Variants in RBMS3 observed in about 807,000 individuals in gnomAD.
RBMS3 encodes RNA binding motif single stranded interacting protein 3.
In RBMS3, 27 loss-of-function variants were observed where a neutral mutation model predicts 66.8. The ratio of observed to expected loss-of-function variants is 0.40; its 90% CI spans 0.30 to 0.56. The LOEUF is 0.56. Ranked by LOEUF, RBMS3 falls within the 20% of genes least tolerant of loss-of-function variation. The pLI, the probability that RBMS3 is intolerant of heterozygous loss-of-function variation, is 0.40. For missense variants in RBMS3, 513 were observed against 549.5 expected, an observed-to-expected ratio of 0.93 and a Z score of 0.66; for synonymous variants, 188 against 183.0, an observed-to-expected ratio of 1.03 and a Z score of -0.22.
At chr3:29,594,536 T>G (rs1162546352) in intron 4 of RBMS3, among the ~76,000 whole-genome samples, 1 of 152,238 alleles carries the variant, frequency 6.6e-6, no homozygotes, top group Non-Finnish European at 1.5e-5. Flanking sequence ...AATGAATATT[T>G]GTATCATTTG....
chr3:29,830,328 T>C (rs4680856), intron 6 of RBMS3, among the ~76,000 whole-genome samples: 76,662 of 151,928 alleles, frequency 0.5, 19,770 homozygotes, highest in Non-Finnish European at 0.55. Context: ...TTAGTTTGTG[T>C]ATAGAAAAAC....
At chr3:29,755,236 A>C (rs534708629) in intron 5 of RBMS3, among the ~76,000 whole-genome samples, 2 of 152,294 alleles carry the variant, frequency 1.3e-5, no homozygotes, top group South Asian at 4.1e-4. Context: ...ATATACTTAG[A>C]TAATTATGCA....
At chr3:29,828,459 A>C (rs1243208114) in intron 6 of RBMS3, among the ~76,000 whole-genome samples, 1 of 152,228 alleles carries the variant, frequency 6.6e-6, no homozygotes, top group Non-Finnish European at 1.5e-5. Context: ...TAGAACATAA[A>C]AAACAATGCA....
intron 1 of RBMS3, among the ~76,000 whole-genome samples, chr3:29,343,026 A>T (rs2036365926): frequency 6.6e-6 from 1 of 152,176 alleles, no homozygotes; most frequent in Admixed American, 6.6e-5. Context: ...CTGGTTTCTT[A>T]TATAGTTGCT....
intron 4 of RBMS3, among the ~76,000 whole-genome samples, chr3:29,712,052 G>A (rs1419799181): frequency 1.3e-5 from 2 of 151,862 alleles, no homozygotes; most frequent in Non-Finnish European, 2.9e-5. Flanking sequence ...TTTTCCCCTC[G>A]AATAAAGCCT....
intron 1 of RBMS3, among the ~76,000 whole-genome samples, chr3:29,405,515 C>A (rs1159688830): frequency 1.3e-5 from 2 of 152,028 alleles, no homozygotes; most frequent in Non-Finnish European, 2.9e-5. Flanking sequence ...TAGTGGATAT[C>A]CTTGATTGTT....
chr3:30,008,427 C>T lies in RBMS3; in HGVS notation c.*4565C>T, dbSNP rs1247062908. On this transcript the variant is annotated 3_prime_UTR_variant, in exon 15 of 15. Transcript: ENST00000383767. ...CAATGTTTATGTACGTGTATAACAA[C>T]ATTCAGCACATTTGAGGAATCACAC... 1.3e-5 allele frequency: 2 copies of T among 152,016 alleles called. No individual in the cohort carries two copies. The highest frequency in any genetic ancestry group is 6.6e-5 in the Admixed American group (1 of 15,250). The allele number at this position is 152,016 out of a possible 1,614,324, so 9.4% of individuals were successfully genotyped here. A position where few individuals can be genotyped will look rare whatever the true frequency, so the allele number is the denominator to read the frequency against.
At chr3:29,546,949 A>G (rs910784485) in intron 3 of RBMS3, among the ~76,000 whole-genome samples, 8 of 152,128 alleles carry the variant, frequency 5.3e-5, no homozygotes, top group Admixed American at 2.0e-4. Flanking sequence ...TTTAGACCTC[A>G]ATATTTTATT....
chr3:29,792,508 A>G (rs2057047298), intron 6 of RBMS3, among the ~76,000 whole-genome samples: 1 of 152,190 alleles, frequency 6.6e-6, no homozygotes, highest in Admixed American at 6.5e-5. Context: ...TTAAAAAAAG[A>G]CATCATGAAC....
At chr3:29,531,952 T>C (rs1308857225) in intron 3 of RBMS3, among the ~76,000 whole-genome samples, 1 of 152,104 alleles carries the variant, frequency 6.6e-6, no homozygotes, top group Admixed American at 6.6e-5. Context: ...GGAGCCTGAC[T>C]GACTATTTTG....
chr3:29,783,720 G>A (rs1025432089), intron 6 of RBMS3, among the ~76,000 whole-genome samples: 8 of 152,082 alleles, frequency 5.3e-5, no homozygotes, highest in African/African-American at 1.9e-4. Flanking sequence ...AATGTAAGTG[G>A]CCTAAATGGT....
chr3:29,519,549 G>A (rs996721699), intron 3 of RBMS3, among the ~76,000 whole-genome samples: 2 of 152,108 alleles, frequency 1.3e-5, no homozygotes, highest in Non-Finnish European at 1.5e-5. Context: ...CTCAGATGAG[G>A]GTGTGGAACT....
In RBMS3 at chr3:30,003,913, C is replaced by T; in HGVS notation, c.*51C>T. 5.7e-6 allele frequency: 8 copies of T among 1,413,756 alleles called. No homozygotes were observed. Among genetic ancestry groups the T allele is most frequent in the Non-Finnish European group, 7.5e-6 (8 of 1,067,200 alleles). 87.6% of individuals were successfully genotyped at this position (1,413,756 alleles called of 1,614,324 possible). Reference sequence around the variant, plus strand: ...ATCTTTGCCTTGAATGAAGAAACTTCATTGAACAAGAAGTTGGCTTCCAGT... The same window carrying T: ...ATCTTTGCCTTGAATGAAGAAACTTTATTGAACAAGAAGTTGGCTTCCAGT... On this transcript the variant is annotated 3_prime_UTR_variant, in exon 15 of 15. Coordinates refer to ENST00000383767, the MANE Select transcript of RBMS3 (RefSeq NM_001003793.3).
intron 12 of RBMS3, among the ~76,000 whole-genome samples, chr3:29,983,696 A>G (rs530238176): frequency 9.9e-5 from 15 of 152,198 alleles, no homozygotes; most frequent in African/African-American, 3.6e-4. Context: ...CTGGATATGA[A>G]ATTCTGGGTA....
chr3:29,345,036 C>T (rs1216973145), intron 1 of RBMS3, among the ~76,000 whole-genome samples: 1 of 152,112 alleles, frequency 6.6e-6, no homozygotes, highest in African/African-American at 2.4e-5. Context: ...CACCATTTAG[C>T]CAACTGTGAT....
intron 1 of RBMS3, among the ~76,000 whole-genome samples, chr3:29,341,849 C>T (rs1045001959): frequency 6.6e-6 from 1 of 152,160 alleles, no homozygotes; most frequent in Admixed American, 6.6e-5. Context: ...AAACTAAAGT[C>T]ATTTTTTATT....
intron 3 of RBMS3, among the ~76,000 whole-genome samples, chr3:29,513,597 T>C (rs2044500493): frequency 6.6e-6 from 1 of 152,216 alleles, no homozygotes; most frequent in South Asian, 2.1e-4. Flanking sequence ...GACTGATCTG[T>C]CATTCATTAA....
chr3:29,330,867 T>G (rs2035612888), intron 1 of RBMS3, among the ~76,000 whole-genome samples: 1 of 152,192 alleles, frequency 6.6e-6, no homozygotes, highest in South Asian at 2.1e-4. Context: ...CTATTAAATC[T>G]GCAGCACCCG....
At chr3:29,836,128 C>G (rs1261948132) in intron 6 of RBMS3, among the ~76,000 whole-genome samples, 12 of 151,918 alleles carry the variant, frequency 7.9e-5, no homozygotes, top group Non-Finnish European at 1.3e-4. Flanking sequence ...AATGTAAAAT[C>G]TCTCATAAAA....
Sources: allele counts gnomAD v4.1 joint callset (sites outside exome capture counted in the v4.1 genomes callset), GRCh38; gene constraint gnomAD v4.1.1; transcripts MANE v1.5; gene names NCBI Gene and HGNC (gene_info 2026-07-23, HGNC 2026-07-21).